The following NDNF variants were observed in gnomAD, a reference collection of about 807,000 sequenced individuals.
The protein encoded by NDNF is neuron derived neurotrophic factor, also known as protein NDNF.
Under a neutral mutation model 42.0 loss-of-function variants are expected in NDNF, and 16 were observed. The observed-to-expected ratio is 0.38, with a 90% CI of 0.26 to 0.58. The LOEUF (loss-of-function observed/expected upper bound fraction) is 0.58. Among genes scored for constraint, NDNF ranks in the 20% least tolerant of loss-of-function variants. NDNF has a pLI of 0.67. For missense variants in NDNF, 616 were observed against 666.2 expected (o/e 0.92, Z 0.83); for synonymous variants, 248 against 251.7 (o/e 0.99, Z 0.14).
intron 1 of NDNF, among the ~76,000 whole-genome samples, chr4:121,057,954 T>C (rs1163480671): frequency 1.3e-5 from 2 of 152,216 alleles, no homozygotes; most frequent in Admixed American, 1.3e-4. Context: ...AAGGTGGAAT[T>C]ACAGTCCTCT....
intron 3 of NDNF, among the ~76,000 whole-genome samples, chr4:121,039,493 T>C (rs1233003937): frequency 6.6e-6 from 1 of 152,132 alleles, no homozygotes. Flanking sequence ...TCCCTGGAGA[T>C]CAGAGGTTCT....
At chr4:121,066,294 T>A (rs1727498406) in intron 1 of NDNF, among the ~76,000 whole-genome samples, 4 of 152,200 alleles carry the variant, frequency 2.6e-5, no homozygotes, top group African/African-American at 9.7e-5. Context: ...GTGTCTTAGC[T>A]AGCGCTGGTG....
chr4:121,060,864 A>G (rs973088485), intron 1 of NDNF, among the ~76,000 whole-genome samples: 1 of 152,188 alleles, frequency 6.6e-6, no homozygotes, highest in African/African-American at 2.4e-5. Context: ...TGTTTATACT[A>G]TTAAAGAATG....
chr4:121,036,824 C>A lies in NDNF; in HGVS notation c.1147G>T (p.Asp383Tyr). The A allele has an allele frequency of 6.2e-7, 1 of 1,614,158 alleles. No homozygotes were observed. Among genetic ancestry groups the A allele is most frequent in the Non-Finnish European group, 8.5e-7 (1 of 1,180,038 alleles). Residue 383 changes from aspartate to tyrosine, a missense_variant, in exon 4 of 4, where the codon GAT becomes TAT. Transcript: ENST00000379692. ...CTTCTCACTTGGATTTGGACAGCAT[C>A]CAGACAAGAGTGAATAAAGAAGGTG... The part of the protein sequence containing the change: ...KVTFFIHSCL[D>Y]AVQIQVRRDG...
chr4:121,051,073 A>G (rs1727185730), intron 1 of NDNF, among the ~76,000 whole-genome samples: 1 of 152,162 alleles, frequency 6.6e-6, no homozygotes, highest in Admixed American at 6.5e-5. Flanking sequence ...ATTGGAGTTA[A>G]GGCAAATAAG....
At chr4:121,051,139 C>CT (rs1727187075) in intron 1 of NDNF, among the ~76,000 whole-genome samples, 4 of 152,110 alleles carry the variant, frequency 2.6e-5, no homozygotes, top group Non-Finnish European at 4.4e-5. Context: ...CTGCTGCCCA[C>CT]TTTCTTGCGA....
At chr4:121,043,182 C>G (rs915871276) in intron 2 of NDNF, among the ~76,000 whole-genome samples, 5 of 152,136 alleles carry the variant, frequency 3.3e-5, no homozygotes, top group African/African-American at 1.2e-4. Context: ...TAATTAATAA[C>G]TAAGGAAACA....
In NDNF at chr4:121,040,043, A is replaced by G; in HGVS notation, c.200T>C (p.Val67Ala). 1 of 1,613,476 alleles carries G rather than the reference A, an allele frequency of 6.2e-7. No individual in the cohort carries two copies. Among genetic ancestry groups the G allele is most frequent in the East Asian group, 2.2e-5 (1 of 44,854 alleles). ...FRDTPKRYFF[V>A]VEEDNTPLSV... ...TAATGGAGTATTGTCTTCTTCAACC[A>G]CAAAGAAATACCTGTGGGAAAGTGG... Residue 67 changes from valine (V) to alanine (A), a missense_variant, in exon 3 of 4, where the codon GTG (valine) becomes GCG (alanine). Transcript: ENST00000379692.
chr4:121,042,413 G>A (rs1335799715), intron 2 of NDNF, among the ~76,000 whole-genome samples: 3 of 152,184 alleles, frequency 2.0e-5, no homozygotes, highest in Non-Finnish European at 2.9e-5. Flanking sequence ...GAGAATGGGA[G>A]TGGGGCTGTG....
chr4:121,038,603 C>G (rs1726922080), intron 3 of NDNF, among the ~76,000 whole-genome samples: 1 of 152,052 alleles, frequency 6.6e-6, no homozygotes, highest in African/African-American at 2.4e-5. Flanking sequence ...GAAACCTTTT[C>G]CAGCTTATCA....
At position 121,036,969 on chromosome 4, in the gene NDNF, G is replaced by C; in HGVS notation, c.1002C>G (p.Thr334=). The C allele has an allele frequency of 1.2e-6, 2 of 1,613,830 alleles. No individual in the cohort carries two copies. The highest frequency in any genetic ancestry group is 1.7e-6 in the Non-Finnish European group (2 of 1,180,002). ...STAYVGTFAR[T]KEEAKQKTVE... ...CTGTCTTCTGTTTGGCTTCTTCCTT[G>C]GTCCTGGCAAAGGTACCTACATAAG... Residue 334 remains threonine (T), a synonymous_variant, in exon 4 of 4, where the codon ACC becomes ACG. Transcript: ENST00000379692.
At chr4:121,057,598 AG>A (rs1303143167) in intron 1 of NDNF, among the ~76,000 whole-genome samples, 2 of 152,176 alleles carry the variant, frequency 1.3e-5, no homozygotes, top group African/African-American at 4.8e-5. Flanking sequence ...AACGGATTAG[AG>A]GCTCTCCGGC....
At chr4:121,052,735 G>A (rs565954239) in intron 1 of NDNF, among the ~76,000 whole-genome samples, 53 of 152,276 alleles carry the variant, frequency 3.5e-4, no homozygotes, top group African/African-American at 1.0e-3. Flanking sequence ...GTGGATGTAC[G>A]GATTCCTTCG....
At chr4:121,040,087 AATTC>A (rs1726971743) in intron 2 of NDNF, 33 bp from the exon 3 acceptor site, 1 of 1,591,130 alleles carries the variant, frequency 6.3e-7, no homozygotes, top group Non-Finnish European at 8.5e-7. Context: ...AGACCGTGGT[AATTC>A]TTTCTAACAT....
rs961192247 is a variant in NDNF, at chr4:121,053,391, G to A, written c.-1-7553C>T. Among the ~76,000 whole-genome samples, 12 of 152,238 alleles carry A rather than the reference G, an allele frequency of 7.9e-5. No homozygotes were observed. The South Asian group carries it at 2.5e-3, about 32-fold the overall frequency. On this transcript the variant is annotated intron_variant, in intron 1 of 3. Transcript: ENST00000379692. ...GCATTCTAATTTAAAAGATGGCCAA[G>A]CCTACACAATCAGAATTACTTCAAA... is the stretch of plus-strand genomic sequence containing the variant.
rs555099921 is a variant in NDNF, at chr4:121,036,349, T to A, written c.1622A>T (p.Tyr541Phe). 6.2e-7 allele frequency: 1 copy of A among 1,614,118 alleles called. No homozygotes were observed. The highest frequency in any genetic ancestry group is 2.2e-5 in the East Asian group (1 of 44,870). ...TCCTATGACATAAACATCCAGCAGG[T>A]AAGATTTGCCAGGCTGAAGACCTTT... is the stretch of plus-strand genomic sequence containing the variant. ...TIKGLQPGKS[Y>F]LLDVYVIGHG... The change falls in exon 4 of 4, where the codon TAC becomes TTC. Residue 541 changes from tyrosine to phenylalanine, a missense_variant. Tyr to Phe is a conservative substitution (Grantham distance 22, BLOSUM62 3). Transcript: ENST00000379692.
chr4:121,066,605 T>C (rs1490310015), intron 1 of NDNF, among the ~76,000 whole-genome samples: 2 of 152,234 alleles, frequency 1.3e-5, no homozygotes, highest in East Asian at 1.9e-4. Context: ...AATTTGTTCA[T>C]AGTTCCTACA....
At chr4:121,068,219 C>T (rs1356729487) in intron 1 of NDNF, among the ~76,000 whole-genome samples, 2 of 152,140 alleles carry the variant, frequency 1.3e-5, no homozygotes, top group Non-Finnish European at 2.9e-5. Flanking sequence ...GGAAGCTTGA[C>T]TGCATGCATG....
intron 2 of NDNF, among the ~76,000 whole-genome samples, chr4:121,041,847 G>T (rs1327622205): frequency 6.6e-6 from 1 of 152,154 alleles, no homozygotes; most frequent in Non-Finnish European, 1.5e-5. Context: ...TCCCATAGAC[G>T]GTAGGGTGAG....
Sources: allele counts gnomAD v4.1 joint callset (sites outside exome capture counted in the v4.1 genomes callset), GRCh38; gene constraint gnomAD v4.1.1; transcripts MANE v1.5; gene names NCBI Gene and HGNC (gene_info 2026-07-23, HGNC 2026-07-21).